The following PPP2R2A variants were observed in gnomAD, a reference collection of about 807,000 sequenced individuals.
PPP2R2A encodes protein phosphatase 2 regulatory subunit Balpha, also known as serine/threonine-protein phosphatase 2A 55 kDa regulatory subunit B alpha isoform.
In PPP2R2A, 9 loss-of-function variants were observed where a neutral mutation model predicts 53.2. The ratio of observed to expected loss-of-function variants is 0.17; its 90% CI spans 0.10 to 0.30. The LOEUF (loss-of-function observed/expected upper bound fraction) is 0.30. Among genes scored for constraint, PPP2R2A ranks in the 10% least tolerant of loss-of-function variants. The pLI is 1.00. For missense variants in PPP2R2A, 235 were observed against 534.6 expected (o/e 0.44, Z 5.53); for synonymous variants, 169 against 174.2 (o/e 0.97, Z 0.23).
chr8:26,352,821 C>T (rs1221941449), intron 3 of PPP2R2A, among the ~76,000 whole-genome samples: 2 of 152,156 alleles, frequency 1.3e-5, no homozygotes, highest in Non-Finnish European at 2.9e-5. Flanking sequence ...ATGTGTGGCT[C>T]GCCCTTGGCC....
rs1401745916 is a variant in PPP2R2A, at chr8:26,291,694, C to T, written c.-126C>T. 5 of 640,460 alleles carry T rather than the reference C, an allele frequency of 7.8e-6. No homozygotes were observed. The African/African-American group carries it at 9.6e-5, about 12-fold the overall frequency. 39.7% of individuals were successfully genotyped at this position (640,460 alleles called of 1,614,324 possible). A position where few individuals can be genotyped will look rare whatever the true frequency, so the allele number is the denominator to read the frequency against. ...CTTCCTTTTCCCCCCGGCCCCCGTC[C>T]CCTCCCCCCGCAGGTGCCATCCGCC... On this transcript the variant is annotated 5_prime_UTR_variant, in exon 1 of 10. Coordinates refer to ENST00000380737, the MANE Select transcript of PPP2R2A (RefSeq NM_002717.4).
At chr8:26,300,456 T>G (rs1801729704) in intron 2 of PPP2R2A, among the ~76,000 whole-genome samples, 1 of 152,222 alleles carries the variant, frequency 6.6e-6, no homozygotes, top group African/African-American at 2.4e-5. Flanking sequence ...CTAAAAAATT[T>G]TAGTTAATAT....
intron 3 of PPP2R2A, chr8:26,339,814 A>G (rs1803855257): frequency 6.6e-6 from 1 of 152,088 alleles, no homozygotes; most frequent in African/African-American, 2.4e-5. Context: ...TGTCTAAATC[A>G]TAACACAGAG....
chr8:26,292,455 C>A (rs908432957), intron 1 of PPP2R2A: 4 of 983,688 alleles, frequency 4.1e-6, no homozygotes, highest in Non-Finnish European at 3.6e-6. Context: ...CAGCAAGTTG[C>A]ATGAAAATAA....
intron 9 of PPP2R2A, 88 bp downstream of exon 9, chr8:26,366,494 T>C (rs1805382948): frequency 1.0e-6 from 1 of 957,480 alleles, no homozygotes; most frequent in Non-Finnish European, 1.5e-6. Flanking sequence ...TCTCTAGGGA[T>C]TCCTTGAAAT....
In PPP2R2A at chr8:26,354,863, A is replaced by G. The variant is rs1329202932; in HGVS notation, c.346+230A>G. ...ACACCTCCAATTTGTAGTGAAAAGA[A>G]TGGGCTGCTATACCATTGGATTTAG... On this transcript the variant is annotated intron_variant, in intron 4 of 9. Transcript: ENST00000380737. The surrounding 1 kb of genome is among the most constrained non-coding windows in gnomAD (Gnocchi z 4.6). 6.6e-6 allele frequency among the ~76,000 whole-genome samples: 1 copy of G among 152,208 alleles called. No homozygotes were observed. The highest frequency in any genetic ancestry group is 2.4e-5 in the African/African-American group (1 of 41,458).
intron 2 of PPP2R2A, among the ~76,000 whole-genome samples, chr8:26,318,038 C>G (rs1247301900): frequency 6.6e-6 from 1 of 152,100 alleles, no homozygotes; most frequent in Non-Finnish European, 1.5e-5. Flanking sequence ...AACATGCAGC[C>G]TCTAATTTCC....
At chr8:26,331,376 A>G (rs999394177) in intron 2 of PPP2R2A, among the ~76,000 whole-genome samples, 1 of 152,208 alleles carries the variant, frequency 6.6e-6, no homozygotes, top group African/African-American at 2.4e-5. Context: ...GGCCAGAAAC[A>G]AGACCAGTTA....
intron 2 of PPP2R2A, among the ~76,000 whole-genome samples, chr8:26,311,668 T>C (rs528454094): frequency 6.6e-6 from 1 of 152,300 alleles, no homozygotes; most frequent in African/African-American, 2.4e-5. Context: ...CAACGTAGCA[T>C]GACCCTGTCT....
intron 9 of PPP2R2A, among the ~76,000 whole-genome samples, chr8:26,366,928 C>T (rs576914410): frequency 1.3e-5 from 2 of 151,910 alleles, no homozygotes; most frequent in Non-Finnish European, 2.9e-5. Flanking sequence ...ATTCCTTTTT[C>T]GTATTCATTT....
intron 3 of PPP2R2A, among the ~76,000 whole-genome samples, chr8:26,348,160 A>G (rs950938240): frequency 1.3e-5 from 2 of 152,110 alleles, no homozygotes; most frequent in South Asian, 2.1e-4. Context: ...GTAGGGTTCT[A>G]TTTGGAGGCT....
At chr8:26,307,039 A>G (rs1802057651) in intron 2 of PPP2R2A, among the ~76,000 whole-genome samples, 1 of 152,238 alleles carries the variant, frequency 6.6e-6, no homozygotes, top group Admixed American at 6.5e-5. Context: ...AATGTATTCT[A>G]GGAATCCATG....
intron 8 of PPP2R2A, 73 bp downstream of exon 8, chr8:26,363,963 A>C: frequency 7.4e-7 from 1 of 1,356,386 alleles, no homozygotes; most frequent in Non-Finnish European, 9.9e-7. Context: ...GGATTTTGTT[A>C]CTAGGTTTTA....
chr8:26,370,120 G>A lies in PPP2R2A; in HGVS notation c.1065-14G>A, dbSNP rs745804140. On this transcript the variant is annotated splice_polypyrimidine_tract_variant and intron_variant, in intron 9 of 9. Transcript: ENST00000380737. The surrounding 1 kb of genome is among the most constrained non-coding windows in gnomAD (Gnocchi z 6.1). ...TTCTGCTTGTTTGACTGAGTGTACT[G>A]TCTATTTTCACAGTGTTGTCATGAC... 57 of 1,610,376 alleles carry A rather than the reference G, an allele frequency of 3.5e-5. No homozygotes were observed. The South Asian group carries it at 5.9e-4, about 17-fold the overall frequency.
intron 9 of PPP2R2A, among the ~76,000 whole-genome samples, chr8:26,367,615 G>A (rs1805448398): frequency 6.6e-6 from 1 of 152,196 alleles, no homozygotes; most frequent in Non-Finnish European, 1.5e-5. Flanking sequence ...GTCCACATAG[G>A]TACGTGCGCA....
At chr8:26,293,100 T>C (rs1563277265) in intron 1 of PPP2R2A, 5 of 746,314 alleles carry the variant, frequency 6.7e-6, no homozygotes, top group South Asian at 4.0e-5. Flanking sequence ...ACAGTCTCTT[T>C]AGCAGCATTC....
intron 3 of PPP2R2A, among the ~76,000 whole-genome samples, chr8:26,347,596 T>C (rs1386403036): frequency 6.6e-6 from 1 of 152,190 alleles, no homozygotes; most frequent in Non-Finnish European, 1.5e-5. Context: ...ATATTAATTG[T>C]ATTTTATGCA....
chr8:26,296,666 A>C (rs1801552465), intron 2 of PPP2R2A, among the ~76,000 whole-genome samples: 1 of 152,222 alleles, frequency 6.6e-6, no homozygotes, highest in Non-Finnish European at 1.5e-5. Flanking sequence ...GCAGGCATGA[A>C]GCTGCTCTGT....
chr8:26,360,811 G>T lies in PPP2R2A; in HGVS notation c.460-163G>T. 1 of 593,334 alleles carries T rather than the reference G, an allele frequency of 1.7e-6. No individual in the cohort carries two copies. The highest frequency in any genetic ancestry group is 1.9e-5 in the African/African-American group (1 of 51,334). The allele number at this position is 593,334 out of a possible 1,614,324, so 36.8% of individuals were successfully genotyped here. On this transcript the variant is annotated intron_variant, in intron 5 of 9. Coordinates refer to ENST00000380737, the MANE Select transcript of PPP2R2A (RefSeq NM_002717.4). This position sits in a 1 kb window ranked among gnomAD's most constrained non-coding sequence, Gnocchi z 4.5. Reference sequence around the variant, plus strand: ...ATCCACATTGTTCATTTTTTCTTCAGCACTCGAAAGGATCAACATCAGTTG... The same window carrying T: ...ATCCACATTGTTCATTTTTTCTTCATCACTCGAAAGGATCAACATCAGTTG...
Sources: gnomAD v4.1 joint callset for allele counts (sites outside exome capture counted in the v4.1 genomes callset) on GRCh38, gnomAD v4.1.1 for gene constraint, Gnocchi (gnomAD v3.1) non-coding constraint, MANE v1.5 for transcripts, NCBI Gene and HGNC (gene_info 2026-07-23, HGNC 2026-07-21) for gene names.